The following FAT2 variants were observed in gnomAD, a reference collection of about 807,000 sequenced individuals.
The protein encoded by FAT2 is protocadherin Fat 2.
A neutral mutation model predicts 295.3 loss-of-function variants in FAT2; 150 were observed. That is an observed-to-expected ratio of 0.51 (90% CI 0.44 to 0.58). FAT2 has a LOEUF of 0.58. FAT2 is among the 20% of genes least tolerant of loss of function. The pLI is 0.00. For missense variants in FAT2, 4,868 were observed against 5,442.7 expected, an observed-to-expected ratio of 0.89 and a Z score of 3.32; for synonymous variants, 2,026 against 2,150.3, an observed-to-expected ratio of 0.94 and a Z score of 1.60.
chr5:151,549,195 G>A (rs1388378736), intron 9 of FAT2, 100 bp downstream of exon 9: 1 of 1,105,556 alleles, frequency 9.0e-7, no homozygotes, highest in African/African-American at 1.6e-5. Context: ...GGCTTAATGA[G>A]CTTGGTACTT....
chr5:151,554,703 A>C, intron 4 of FAT2, 30 bp from the exon 5 acceptor site: 1 of 1,564,416 alleles, frequency 6.4e-7, no homozygotes, highest in Non-Finnish European at 8.7e-7. Flanking sequence ...TGAGCACCTG[A>C]GCTGACAATT....
chr5:151,593,859 T>C (rs752040860), upstream of FAT2, among the ~76,000 whole-genome samples: 1 of 151,944 alleles, frequency 6.6e-6, no homozygotes, highest in African/African-American at 2.4e-5. Context: ...GAAAATTAGC[T>C]GGGTGTGGTG....
rs1345267947 is a variant in FAT2, at chr5:151,563,397, A to G, written c.3502T>C (p.Ser1168Pro). 6.2e-7 allele frequency: 1 copy of G among 1,614,158 alleles called. No individual in the cohort carries two copies. The highest frequency in any genetic ancestry group is 8.5e-7 in the Non-Finnish European group (1 of 1,180,020). ...QLDAWDPDSS[S>P]KGKLTFNITS... The stretch of plus-strand genomic sequence containing the variant: ...ATGTTGAAGGTCAGCTTCCCTTTGG[A>G]GCTGGAGTCTGGGTCCCAGGCATCC... The change falls in exon 3 of 24, where the codon TCC becomes CCC. Residue 1168 changes from serine (S) to proline (P), a missense_variant. This residue lies in a region of FAT2 where 3,297 missense variants were observed against 3,669.4 expected (regional missense o/e 0.90). Transcript: ENST00000261800.
chr5:151,571,146 C>T (rs1044917811), intron 1 of FAT2, among the ~76,000 whole-genome samples: 1 of 151,252 alleles, frequency 6.6e-6, no homozygotes, highest in Non-Finnish European at 1.5e-5. Flanking sequence ...TGCCTGCCCA[C>T]TACTGTCCTT....
intron 7 of FAT2, 60 bp from the exon 8 acceptor site, chr5:151,550,931 C>T (rs189645695): frequency 1.4e-4 from 210 of 1,505,880 alleles, no homozygotes; most frequent in Non-Finnish European, 1.9e-4. Context: ...GGGACTGGGT[C>T]TGTCTGGACC....
chr5:151,543,229 A>T lies in FAT2; in HGVS notation c.7898T>A (p.Val2633Asp). The change falls in exon 10 of 24, where the codon GTC becomes GAC. Residue 2633 changes from valine (V) to aspartate (D), a missense_variant. By Grantham distance (152) the Val-to-Asp change is radical. Coordinates refer to ENST00000261800, the MANE Select transcript of FAT2 (RefSeq NM_001447.3). ...ACCAGTGACTGGGTTAATTTCAATG[A>T]CATCTTTAACTAGGTCCTCTGGGTT... ...SVNPEDLVKD[V>D]IEINPVTGVV... 4 of 1,614,126 alleles carry T rather than the reference A, an allele frequency of 2.5e-6. No homozygotes were observed. The highest frequency in any genetic ancestry group is 3.4e-6 in the Non-Finnish European group (4 of 1,180,030).
At chr5:151,554,921 C>T (rs1757554140) in intron 4 of FAT2, among the ~76,000 whole-genome samples, 2 of 152,252 alleles carry the variant, frequency 1.3e-5, no homozygotes, top group African/African-American at 2.4e-5. Context: ...AAAGCTGGTG[C>T]TGTTTATGTG....
Position 151,567,847 on chromosome 5 carries a change from A to G in FAT2, c.1085T>C (p.Phe362Ser), listed in dbSNP as rs919691831. 7 of 1,614,028 alleles carry G rather than the reference A, an allele frequency of 4.3e-6. No individual in the cohort carries two copies. Among genetic ancestry groups the G allele is most frequent in the Non-Finnish European group, 5.9e-6 (7 of 1,180,032 alleles). The change falls in exon 2 of 24, where the codon TTC (phenylalanine) becomes TCC (serine). Residue 362 changes from phenylalanine to serine, a missense_variant. Physicochemically the swap from Phe to Ser is radical, Grantham distance 155. This residue lies in a region of FAT2 where 3,297 missense variants were observed against 3,669.4 expected (regional missense o/e 0.90). Transcript: ENST00000261800. ...CTGCACTCTGTAAACAGCCTTCTCG[A>G]ATTTGAGGGAAGACAGTTTGGAAGG... is the stretch of plus-strand genomic sequence containing the variant. ...LPPSKLSSLK[F>S]EKAVYRVQLS...
intron 15 of FAT2, among the ~76,000 whole-genome samples, chr5:151,528,960 T>C (rs1754307988): frequency 2.0e-5 from 3 of 152,174 alleles, no homozygotes; most frequent in Non-Finnish European, 1.5e-5. Flanking sequence ...TCTGATCTTA[T>C]CATATGGCTC....
chr5:151,545,955 C>A lies in FAT2; in HGVS notation c.5172G>T (p.Ser1724=). 6.2e-7 allele frequency: 1 copy of A among 1,614,064 alleles called. No individual in the cohort carries two copies. Among genetic ancestry groups the A allele is most frequent in the Non-Finnish European group, 8.5e-7 (1 of 1,179,998 alleles). ...TGCCTCGGATTTTCAGCTGGTAAGA[C>A]GAGATTTTCTCATGGTCCAATTTCT... ...TQKKLDHEKI[S]SYQLKIRGSN... The change falls in exon 10 of 24, where the codon TCG becomes TCT. Residue 1724 remains serine, a synonymous_variant. Transcript: ENST00000261800.
chr5:151,505,436 A>G lies in FAT2; in HGVS notation c.*129T>C. ...GGATTGGAAGAGCACATTTCAAGGGACAACAGCCTGGGCTGAGGGCTTCCC... is the reference window on the plus strand; with the variant it reads ...GGATTGGAAGAGCACATTTCAAGGGGCAACAGCCTGGGCTGAGGGCTTCCC... On this transcript the variant is annotated 3_prime_UTR_variant, in exon 24 of 24. Coordinates refer to ENST00000261800, the MANE Select transcript of FAT2 (RefSeq NM_001447.3). 1 of 1,128,950 alleles carries G rather than the reference A, an allele frequency of 8.9e-7. No individual in the cohort carries two copies. The highest frequency in any genetic ancestry group is 1.3e-6 in the Non-Finnish European group (1 of 787,300). 69.9% of individuals were successfully genotyped at this position (1,128,950 alleles called of 1,614,324 possible).
chr5:151,514,153 A>C (rs1256708381), intron 20 of FAT2, among the ~76,000 whole-genome samples: 1 of 152,208 alleles, frequency 6.6e-6, no homozygotes, highest in Non-Finnish European at 1.5e-5. Context: ...AATACTACCT[A>C]TACCTTTATT....
intron 10 of FAT2, 30 bp from the exon 11 acceptor site, chr5:151,540,793 C>T: frequency 6.3e-7 from 1 of 1,587,936 alleles, no homozygotes; most frequent in Non-Finnish European, 8.6e-7. Context: ...CTTTCAGAAG[C>T]CAAGCAATAG....
chr5:151,563,201 T>C, intron 3 of FAT2, 124 bp downstream of exon 3: 1 of 897,190 alleles, frequency 1.1e-6, no homozygotes, highest in Non-Finnish European at 1.7e-6. Flanking sequence ...TCAGTGGATT[T>C]AGGGTGGGGC....
chr5:151,537,327 A>G, intron 12 of FAT2, among the ~76,000 whole-genome samples: 1 of 2,650 alleles, frequency 3.8e-4, no homozygotes, highest in African/African-American at 1.6e-3. Flanking sequence ...AAGAGAAAAA[A>G]AGAAAGAAAA....
At position 151,546,204 on chromosome 5, in the gene FAT2, A is replaced by T. The variant is rs761899172; in HGVS notation, c.4923T>A (p.His1641Gln). The T allele has an allele frequency of 1.2e-6, 2 of 1,614,198 alleles. No individual in the cohort carries two copies. ...KAEDQGSPQWHDLATVIIHVY... is the reference protein window; with the variant it reads ...KAEDQGSPQWQDLATVIIHVY... ...CATGAATGATCACTGTAGCCAGGTCATGCCATTGTGGGGAGCCTTGATCTT... is the reference window on the plus strand; with the variant it reads ...CATGAATGATCACTGTAGCCAGGTCTTGCCATTGTGGGGAGCCTTGATCTT... The change falls in exon 10 of 24, where the codon CAT (histidine) becomes CAA (glutamine). Residue 1641 changes from histidine to glutamine, a missense_variant. His to Gln is a conservative substitution (Grantham distance 24). Coordinates refer to ENST00000261800, the MANE Select transcript of FAT2 (RefSeq NM_001447.3).
chr5:151,511,992 C>G (rs1002354703), intron 21 of FAT2, 173 bp downstream of exon 21: 7 of 622,104 alleles, frequency 1.1e-5, no homozygotes, highest in Middle Eastern at 4.4e-4. Context: ...AAGGAAGACT[C>G]CTGGCTTCCC....
In FAT2 at chr5:151,543,613, G is replaced by A; in HGVS notation, c.7514C>T (p.Ala2505Val). 6.2e-7 allele frequency: 1 copy of A among 1,614,156 alleles called. No individual in the cohort carries two copies. The highest frequency in any genetic ancestry group is 2.2e-5 in the East Asian group (1 of 44,892). The change falls in exon 10 of 24, where the codon GCC (alanine) becomes GTC (valine). Residue 2505 changes from alanine to valine, a missense_variant. By Grantham distance (64) the Ala-to-Val change is moderately conservative. Coordinates refer to ENST00000261800, the MANE Select transcript of FAT2 (RefSeq NM_001447.3). ...ATAGGGACCACTATCTTTGTCTATGGCTAGCAAATCAATCACCTTGGTTCC... is the reference window on the plus strand; with the variant it reads ...ATAGGGACCACTATCTTTGTCTATGACTAGCAAATCAATCACCTTGGTTCC... ...MVGTKVIDLL[A>V]IDKDSGPYGT...
rs754066917 is a variant in FAT2 at position 151,505,705 on chromosome 5, G to T, written c.12910C>A (p.Arg4304=). ...GYKGVGMRLS[R]AGPSYAVCEV... ...CAGACAGCATAAGAGGGCCCAGCTC[G>T]GCTGAGGCGCATACCCACCCCCTTG... The change falls in exon 24 of 24, where the codon CGA becomes AGA. Residue 4304 remains arginine (R), a synonymous_variant. Transcript: ENST00000261800. The T allele has an allele frequency of 6.2e-7, 1 of 1,613,980 alleles. No individual in the cohort carries two copies. Among genetic ancestry groups the T allele is most frequent in the Non-Finnish European group, 8.5e-7 (1 of 1,179,902 alleles).
Sources: allele counts gnomAD v4.1 joint callset (sites outside exome capture counted in the v4.1 genomes callset), GRCh38; gene constraint gnomAD v4.1.1; regional missense constraint gnomAD v4.1.1; transcripts MANE v1.5; gene names NCBI Gene and HGNC (gene_info 2026-07-23, HGNC 2026-07-21).